Variants in VWA5B1 observed in about 807,000 individuals in gnomAD.
VWA5B1 encodes the protein von Willebrand factor A domain containing 5B1, also known as von Willebrand factor A domain-containing protein 5B1.
Under a neutral mutation model 118.2 loss-of-function variants are expected in VWA5B1, and 115 were observed. The observed-to-expected ratio is 0.97, with a 90% CI of 0.84 to 1.14. The LOEUF (loss-of-function observed/expected upper bound fraction) is 1.14, where lower values mean the gene tolerates loss of function less well. Among genes scored for constraint, VWA5B1 ranks in the 50% most tolerant of loss-of-function variants. VWA5B1 has a pLI of 0.00. For synonymous variants in VWA5B1, 682 were observed against 658.4 expected (o/e 1.04, Z -0.55); for missense variants, 1,596 against 1,603.8 (o/e 1.00, Z 0.08).
At position 20,343,299 on chromosome 1, in the gene VWA5B1, C is replaced by G; in HGVS notation, c.2532C>G (p.Ala844=). ...CGGAGCGGGGCGGCGCGCAGGATGC[C>G]GACCTATGGAGCGAGACCTTCCACC... ...PGPERGGAQD[A]DLWSETFHHL... Residue 844 remains alanine, a synonymous_variant, in exon 16 of 22, where the codon GCC becomes GCG. Transcript: ENST00000289815. 1.3e-6 allele frequency: 2 copies of G among 1,547,310 alleles called. No individual in the cohort carries two copies. The highest frequency in any genetic ancestry group is 1.7e-6 in the Non-Finnish European group (2 of 1,146,676).
At chr1:20,296,268 G>A (rs891416022) in intron 1 of VWA5B1, among the ~76,000 whole-genome samples, 4 of 152,206 alleles carry the variant, frequency 2.6e-5, no homozygotes, top group Admixed American at 2.0e-4. Flanking sequence ...CAGAACCAGC[G>A]TTGATCCCTG....
In VWA5B1 at chr1:20,354,479, TCA is replaced by T. The variant is rs1405608226; in HGVS notation, c.*217_*218del. ...GCCAGTGCCTGCCCCCGTCTGGGCC[TCA>T]GTTTCCTCATCTATAAAATAAGAGG... is the stretch of plus-strand genomic sequence containing the variant. On this transcript the variant is annotated 3_prime_UTR_variant, in exon 22 of 22. Coordinates refer to ENST00000289815, the MANE Select transcript of VWA5B1 (RefSeq NM_001039500.3). 3.4e-6 allele frequency: 2 copies of T among 591,098 alleles called. No homozygotes were observed. Among genetic ancestry groups the T allele is most frequent in the East Asian group, 5.9e-5 (2 of 33,762 alleles). 36.6% of individuals were successfully genotyped at this position (591,098 alleles called of 1,614,324 possible).
At position 20,318,841 on chromosome 1, in the gene VWA5B1, T is replaced by G. The variant is rs1273322803; in HGVS notation, c.841+120T>G. 3.6e-6 allele frequency: 5 copies of G among 1,384,172 alleles called. No homozygotes were observed. In the East Asian group the frequency reaches 1.3e-4, roughly 37 times the overall value. 85.7% of individuals were successfully genotyped at this position (1,384,172 alleles called of 1,614,324 possible). On this transcript the variant is annotated intron_variant, in intron 6 of 21. Coordinates refer to ENST00000289815, the MANE Select transcript of VWA5B1 (RefSeq NM_001039500.3). ...TAGCTAGCCAGGGAAAGAGTCGGGG[T>G]GGGGGGTGTGGCCAAGGAGAGGAGA...
intron 14 of VWA5B1, among the ~76,000 whole-genome samples, chr1:20,341,058 A>T (rs565726976): frequency 6.6e-6 from 1 of 152,370 alleles, no homozygotes. Context: ...TTACAGGACA[A>T]TCACAATTTA....
At chr1:20,351,405 G>A (rs1223024357) in intron 20 of VWA5B1, among the ~76,000 whole-genome samples, 7 of 152,110 alleles carry the variant, frequency 4.6e-5, no homozygotes, top group Non-Finnish European at 1.0e-4. Flanking sequence ...TGTAATCCCA[G>A]CACTTTGGGA....
chr1:20,342,040 AAGAC>A (rs1392576869), intron 14 of VWA5B1, among the ~76,000 whole-genome samples: 2 of 152,152 alleles, frequency 1.3e-5, no homozygotes, highest in Non-Finnish European at 2.9e-5. Context: ...TTGAGTGAGA[AAGAC>A]CTTTTAAGTA....
chr1:20,291,743 C>T (rs958044778), intron 1 of VWA5B1, among the ~76,000 whole-genome samples: 8 of 152,220 alleles, frequency 5.3e-5, no homozygotes, highest in African/African-American at 1.7e-4. Context: ...CAAGGGCACA[C>T]CCTTTCCTGA....
At chr1:20,315,786 G>A (rs1482569867) in intron 4 of VWA5B1, among the ~76,000 whole-genome samples, 1 of 152,212 alleles carries the variant, frequency 6.6e-6, no homozygotes, top group East Asian at 1.9e-4. Context: ...GGGGGAACGT[G>A]CAGGGCCTTG....
chr1:20,357,815 C>G lies in VWA5B1; in HGVS notation c.*3552C>G, dbSNP rs569357722. On this transcript the variant is annotated 3_prime_UTR_variant, in exon 22 of 22. Transcript: ENST00000289815. Reference sequence around the variant, plus strand: ...TACCCTTTGCGCTAACGGCCAGCCCCCTGAGCTTTCAGGCTCTCATTTATG... The same window carrying G: ...TACCCTTTGCGCTAACGGCCAGCCCGCTGAGCTTTCAGGCTCTCATTTATG... Among the ~76,000 whole-genome samples, 2 of 152,312 alleles carry G rather than the reference C, an allele frequency of 1.3e-5. No homozygotes were observed. The highest frequency in any genetic ancestry group is 3.9e-4 in the East Asian group (2 of 5,184).
intron 1 of VWA5B1, among the ~76,000 whole-genome samples, chr1:20,307,336 G>T (rs6676380): frequency 0.54 from 81,632 of 151,930 alleles, 22,676 homozygotes; most frequent in East Asian, 0.93. Flanking sequence ...ACACTCAGCA[G>T]AATCTACTCT....
intron 13 of VWA5B1, 95 bp downstream of exon 13, chr1:20,336,581 T>C (rs1570180130): frequency 8.0e-7 from 1 of 1,255,800 alleles, no homozygotes. Flanking sequence ...AGTTAGCAGC[T>C]GCAGAGGTGG....
rs1027172968 is a variant in VWA5B1, at chr1:20,318,439, C to T, written c.710-151C>T. 2.8e-6 allele frequency: 3 copies of T among 1,089,016 alleles called. No individual in the cohort carries two copies. In the South Asian group the frequency reaches 4.1e-5, roughly 15 times the overall value. The allele number at this position is 1,089,016 out of a possible 1,614,324, so 67.5% of individuals were successfully genotyped here. A position where few individuals can be genotyped will look rare whatever the true frequency, so the allele number is the denominator to read the frequency against. On this transcript the variant is annotated intron_variant, in intron 5 of 21. Coordinates refer to ENST00000289815, the MANE Select transcript of VWA5B1 (RefSeq NM_001039500.3). ...CATTTTACAGGTGGGGAAATTGAGGCAGCCTGGCCATGGTCACACTGCAGG... is the reference window on the plus strand; with the variant it reads ...CATTTTACAGGTGGGGAAATTGAGGTAGCCTGGCCATGGTCACACTGCAGG...
chr1:20,348,189 G>A, intron 17 of VWA5B1, 56 bp from the exon 18 acceptor site: 2 of 1,477,940 alleles, frequency 1.4e-6, no homozygotes, highest in Non-Finnish European at 1.8e-6. Flanking sequence ...TGGGGGAAAG[G>A]CAAAGGACTG....
At chr1:20,349,326 A>T in intron 18 of VWA5B1, 1 of 173,406 alleles carries the variant, frequency 5.8e-6, no homozygotes, top group Non-Finnish European at 1.3e-5. Context: ...TCCGAAGCTT[A>T]GCTTTTGGTG....
At chr1:20,317,155 C>CAAAAAA (rs367872784) in intron 4 of VWA5B1, among the ~76,000 whole-genome samples, 1 of 70,514 alleles carries the variant, frequency 1.4e-5, no homozygotes, top group Non-Finnish European at 2.8e-5. Context: ...GACTGCATCT[C>CAAAAAA]AAAAAAAAAA....
chr1:20,324,416 T>C (rs1251524816), intron 8 of VWA5B1, among the ~76,000 whole-genome samples: 2 of 152,172 alleles, frequency 1.3e-5, no homozygotes, highest in African/African-American at 2.4e-5. Flanking sequence ...TGTGGCATTA[T>C]CCAACACTCC....
At chr1:20,291,814 G>A (rs1198653070) in intron 1 of VWA5B1, among the ~76,000 whole-genome samples, 3 of 152,176 alleles carry the variant, frequency 2.0e-5, no homozygotes, top group East Asian at 1.9e-4. Flanking sequence ...AGAAGGAGGC[G>A]GCTAGTGGAG....
intron 5 of VWA5B1, 129 bp downstream of exon 5, chr1:20,317,804 C>T (rs1057460599): frequency 1.7e-6 from 2 of 1,203,502 alleles, no homozygotes; most frequent in Admixed American, 6.1e-5. Context: ...TACACAAAGC[C>T]TGTGGACCCC....
At chr1:20,343,833 C>T in intron 16 of VWA5B1, among the ~76,000 whole-genome samples, 1 of 76,494 alleles carries the variant, frequency 1.3e-5, no homozygotes, top group South Asian at 5.1e-4. Context: ...CTCCGCACAG[C>T]CCCGCCCACT....
Sources: gnomAD v4.1 joint callset for allele counts (sites outside exome capture counted in the v4.1 genomes callset) on GRCh38, gnomAD v4.1.1 for gene constraint, MANE v1.5 for transcripts, NCBI Gene and HGNC (gene_info 2026-07-23, HGNC 2026-07-21) for gene names.